COL6A2: variants seen among roughly 807,000 people sequenced by gnomAD.
COL6A2 encodes the protein collagen alpha-2(VI) chain.
In COL6A2, 90 loss-of-function variants were observed where a neutral mutation model predicts 124.9. The ratio of observed to expected loss-of-function variants is 0.72; its 90% CI spans 0.61 to 0.86. The LOEUF is 0.86. COL6A2 is among the 40% of genes least tolerant of loss of function. The probability of loss-of-function intolerance (pLI) is 0.00; values close to 1 mark genes in which losing one functional copy is unlikely to be tolerated. For synonymous variants in COL6A2, 793 were observed against 618.2 expected, an observed-to-expected ratio of 1.28 and a Z score of -4.19; for missense variants, 1,607 against 1,502.5, an observed-to-expected ratio of 1.07 and a Z score of -1.15.
At position 46,116,237 on chromosome 21, in the gene COL6A2, C is replaced by T; in HGVS notation, c.901-140C>T. On this transcript the variant is annotated intron_variant, in intron 7 of 27. Coordinates refer to ENST00000300527, the MANE Select transcript of COL6A2 (RefSeq NM_001849.4). This position sits in a 1 kb window ranked among gnomAD's most constrained non-coding sequence, Gnocchi z 4.6. ...GCCTCCAGCCCGACCCAGGGCTCAG[C>T]CTCCTCCGCAGACTGTTTGTCGAGA... The T allele has an allele frequency of 8.5e-7, 1 of 1,175,260 alleles. No individual in the cohort carries two copies. The highest frequency in any genetic ancestry group is 2.5e-5 in the East Asian group (1 of 39,234). The allele number at this position is 1,175,260 out of a possible 1,614,324, so 72.8% of individuals were successfully genotyped here.
At chr21:46,121,769 T>C in intron 18 of COL6A2, 151 bp downstream of exon 18, 1 of 793,258 alleles carries the variant, frequency 1.3e-6, no homozygotes, top group South Asian at 1.6e-5. Context: ...AGTGAGGGGA[T>C]GCCTCCGGGG....
intron 27 of COL6A2, among the ~76,000 whole-genome samples, chr21:46,131,544 G>A (rs1009300948): frequency 1.3e-5 from 2 of 152,214 alleles, no homozygotes; most frequent in Non-Finnish European, 2.9e-5. Context: ...CAGGCTGGGG[G>A]TGTCAGAGCC....
At chr21:46,102,185 C>A (rs60404808) in intron 1 of COL6A2, among the ~76,000 whole-genome samples, 22,703 of 151,814 alleles carry the variant, frequency 0.15, 1,887 homozygotes, top group East Asian at 0.3. Context: ...TTCTTAATTT[C>A]CTTTGGATTG....
At chr21:46,127,311 C>T (rs1206338608) in intron 27 of COL6A2, among the ~76,000 whole-genome samples, 1 of 152,138 alleles carries the variant, frequency 6.6e-6, no homozygotes, top group Non-Finnish European at 1.5e-5. Context: ...AGCGCTTCCT[C>T]AGCACGCGGG....
chr21:46,128,562 GA>G (rs2078709813), intron 27 of COL6A2, among the ~76,000 whole-genome samples: 1 of 152,194 alleles, frequency 6.6e-6, no homozygotes, highest in Non-Finnish European at 1.5e-5. Flanking sequence ...CAGGCCTGTG[GA>G]GTTCTCAGTT....
rs140006946 is a variant in COL6A2 at position 46,126,658 on chromosome 21, C to T, written c.2461+117C>T. 362 of 1,257,208 alleles carry T rather than the reference C, an allele frequency of 2.9e-4. 2 individuals carry two copies. The East Asian group carries it at 7.3e-3, about 25-fold the overall frequency. 77.9% of individuals were successfully genotyped at this position (1,257,208 alleles called of 1,614,324 possible). ...GCAGGGACCCGGGGGGCGGCGGAGCCACTGCGGAGGCTGCTCCTTAGGGAG... is the reference window on the plus strand; with the variant it reads ...GCAGGGACCCGGGGGGCGGCGGAGCTACTGCGGAGGCTGCTCCTTAGGGAG... On this transcript the variant is annotated intron_variant, in intron 27 of 27. Transcript: ENST00000300527.
At chr21:46,121,425 C>T (rs1318271518) in intron 17 of COL6A2, 131 bp from the exon 18 acceptor site, 2 of 892,524 alleles carry the variant, frequency 2.2e-6, no homozygotes, top group South Asian at 1.4e-5. Context: ...AGGTCCACGG[C>T]CCCCACAGGC....
intron 15 of COL6A2, 152 bp downstream of exon 15, chr21:46,120,002 C>A: frequency 1.4e-6 from 1 of 740,286 alleles, no homozygotes. Flanking sequence ...GGAATGCAGC[C>A]CTGAGATCCC....
rs541603156 is a variant in COL6A2, at chr21:46,100,896, ACTT to A, written c.-28+2727_-28+2729del. ...GATACCTCTTGGAGATCCCACTTTC[ACTT>A]CTTTTGAGTATGTTCCCAGAAGTGG... On this transcript the variant is annotated intron_variant, in intron 1 of 27. Coordinates refer to ENST00000300527, the MANE Select transcript of COL6A2 (RefSeq NM_001849.4). 4.6e-4 allele frequency among the ~76,000 whole-genome samples: 70 copies of A among 151,968 alleles called. 1 individual carries two copies. Among genetic ancestry groups the A allele is most frequent in the South Asian group, 1.9e-3 (9 of 4,796 alleles).
intron 21 of COL6A2, among the ~76,000 whole-genome samples, chr21:46,123,903 A>G (rs62213986): frequency 7.1e-6 from 1 of 140,798 alleles, no homozygotes; most frequent in Non-Finnish European, 1.6e-5. Context: ...GGATAGATGG[A>G]TGGGTGGGTG....
chr21:46,111,402 AG>A, intron 1 of COL6A2, 47 bp from the exon 2 acceptor site: 2 of 1,099,716 alleles, frequency 1.8e-6, no homozygotes, highest in South Asian at 1.3e-5. Context: ...GGAGGGTGCC[AG>A]GGGAGAGGCA....
intron 1 of COL6A2, among the ~76,000 whole-genome samples, chr21:46,110,832 C>G (rs1231964217): frequency 1.3e-5 from 2 of 152,244 alleles, no homozygotes; most frequent in African/African-American, 2.4e-5. Flanking sequence ...GGCCAAGCCA[C>G]AGGGCATCAG....
At chr21:46,114,287 T>C (rs1208633815) in intron 5 of COL6A2, among the ~76,000 whole-genome samples, 1 of 151,952 alleles carries the variant, frequency 6.6e-6, no homozygotes, top group Non-Finnish European at 1.5e-5. Context: ...TAGCCGGGCG[T>C]AGTGGCATGC....
intron 14 of COL6A2, 79 bp downstream of exon 14, chr21:46,119,198 G>A (rs2078523081): frequency 1.8e-6 from 2 of 1,113,730 alleles, no homozygotes; most frequent in Admixed American, 3.9e-5. Context: ...TGGGGGAAGG[G>A]CACCTGGGCT....
Position 46,116,246 on chromosome 21 carries a change from C to G in COL6A2, c.901-131C>G. On this transcript the variant is annotated intron_variant, in intron 7 of 27. Transcript: ENST00000300527. The surrounding 1 kb of genome is among the most constrained non-coding windows in gnomAD (Gnocchi z 4.6). ...CCGACCCAGGGCTCAGCCTCCTCCGCAGACTGTTTGTCGAGAACACTAGAT... is the reference window on the plus strand; with the variant it reads ...CCGACCCAGGGCTCAGCCTCCTCCGGAGACTGTTTGTCGAGAACACTAGAT... 1 of 1,226,900 alleles carries G rather than the reference C, an allele frequency of 8.2e-7. No individual in the cohort carries two copies. The highest frequency in any genetic ancestry group is 1.2e-6 in the Non-Finnish European group (1 of 854,728). 76.0% of individuals were successfully genotyped at this position (1,226,900 alleles called of 1,614,324 possible).
At chr21:46,120,086 C>A (rs986958824) in intron 15 of COL6A2, among the ~76,000 whole-genome samples, 1 of 150,246 alleles carries the variant, frequency 6.7e-6, no homozygotes, top group African/African-American at 2.4e-5. Flanking sequence ...AGGCACCATT[C>A]ACCCCCGGCC....
At chr21:46,109,170 T>G (rs143120962) in intron 1 of COL6A2, among the ~76,000 whole-genome samples, 33 of 152,046 alleles carry the variant, frequency 2.2e-4, no homozygotes, top group African/African-American at 7.0e-4. Flanking sequence ...TCTCAACTAG[T>G]GTTCAGCTCT....
intron 12 of COL6A2, 85 bp from the exon 13 acceptor site, chr21:46,118,529 C>A (rs2078511305): frequency 2.3e-6 from 3 of 1,332,444 alleles, no homozygotes; most frequent in African/African-American, 1.4e-5. Context: ...CCAAGCCCGA[C>A]CGTGGGTCCT....
chr21:46,120,856 G>A (rs896005320), intron 16 of COL6A2, among the ~76,000 whole-genome samples: 5 of 152,128 alleles, frequency 3.3e-5, no homozygotes, highest in Admixed American at 2.6e-4. Flanking sequence ...CTTAGGCAGG[G>A]GCTACACCCA....
Sources: gnomAD v4.1 joint callset for allele counts (sites outside exome capture counted in the v4.1 genomes callset) on GRCh38, gnomAD v4.1.1 for gene constraint, Gnocchi (gnomAD v3.1) non-coding constraint, MANE v1.5 for transcripts, NCBI Gene and HGNC (gene_info 2026-07-23, HGNC 2026-07-21) for gene names.